Variants in LRRFIP2 observed in about 807,000 individuals in gnomAD.
LRRFIP2 encodes LRR binding FLII interacting protein 2.
LRRFIP2 carries 109 observed loss-of-function variants against 125.9 expected under a neutral mutation model. That is an observed-to-expected ratio of 0.87 (90% CI 0.74 to 1.01). LRRFIP2 has a LOEUF of 1.01. Ranked by LOEUF, LRRFIP2 falls within the 50% of genes least tolerant of loss-of-function variation. The pLI, the probability that LRRFIP2 is intolerant of heterozygous loss-of-function variation, is 0.00. For missense variants in LRRFIP2, 850 were observed against 862.3 expected (o/e 0.99, Z 0.18); for synonymous variants, 291 against 293.1 (o/e 0.99, Z 0.07).
chr3:37,063,826 G>A lies in LRRFIP2; in HGVS notation c.1700-35C>T, dbSNP rs369879761. ...ATGAAAAAGATCATAAACTAAATATGTGATGATATAGTACATAAACAATTA... is the reference window on the plus strand; with the variant it reads ...ATGAAAAAGATCATAAACTAAATATATGATGATATAGTACATAAACAATTA... On this transcript the variant is annotated intron_variant, in intron 23 of 27. Coordinates refer to ENST00000336686, the MANE Select transcript of LRRFIP2 (RefSeq NM_006309.4). 23 of 1,497,874 alleles carry A rather than the reference G, an allele frequency of 1.5e-5. No homozygotes were observed. In the African/African-American group the frequency reaches 2.3e-4, roughly 15 times the overall value. The allele number at this position is 1,497,874 out of a possible 1,614,324, so 92.8% of individuals were successfully genotyped here. A position where few individuals can be genotyped will look rare whatever the true frequency, so the allele number is the denominator to read the frequency against.
intron 1 of LRRFIP2, among the ~76,000 whole-genome samples, chr3:37,166,929 C>T (rs915666987): frequency 1.3e-5 from 2 of 151,674 alleles, no homozygotes; most frequent in African/African-American, 4.8e-5. Flanking sequence ...GAGGCAGAAT[C>T]GCTTCAACCT....
intron 22 of LRRFIP2, 27 bp downstream of exon 22, chr3:37,066,197 C>G: frequency 3.8e-6 from 6 of 1,586,714 alleles, no homozygotes; most frequent in South Asian, 1.1e-5. Context: ...AGTGAGGGAC[C>G]TGAATTCCAG....
chr3:37,124,085 C>T (rs760389910), intron 4 of LRRFIP2, among the ~76,000 whole-genome samples: 20 of 152,102 alleles, frequency 1.3e-4, no homozygotes, highest in Non-Finnish European at 2.6e-4. Context: ...ACAAACTATA[C>T]CTTAAATAAG....
chr3:37,058,384 A>G (rs867693117), intron 25 of LRRFIP2, among the ~76,000 whole-genome samples: 4 of 152,180 alleles, frequency 2.6e-5, no homozygotes, highest in Non-Finnish European at 4.4e-5. Flanking sequence ...TAAGAAAAGC[A>G]TATTAACGGC....
chr3:37,139,766 A>T (rs2095646347), intron 2 of LRRFIP2, among the ~76,000 whole-genome samples: 1 of 151,994 alleles, frequency 6.6e-6, no homozygotes, highest in Non-Finnish European at 1.5e-5. Flanking sequence ...CACTCTCTTC[A>T]TCATAACTAG....
intron 17 of LRRFIP2, among the ~76,000 whole-genome samples, chr3:37,094,004 A>G (rs1383397760): frequency 6.6e-6 from 1 of 152,114 alleles, no homozygotes; most frequent in East Asian, 1.9e-4. Context: ...TCCAATTTAA[A>G]TGATGCTTTC....
At chr3:37,059,555 G>A (rs958361121) in intron 24 of LRRFIP2, among the ~76,000 whole-genome samples, 1 of 152,130 alleles carries the variant, frequency 6.6e-6, no homozygotes. Context: ...TTGGGAAGCT[G>A]AGGCGGGCGG....
At chr3:37,126,868 A>AAAAAAGAAAG (rs59982718) in intron 4 of LRRFIP2, among the ~76,000 whole-genome samples, 4 of 147,220 alleles carry the variant, frequency 2.7e-5, no homozygotes, top group African/African-American at 1.0e-4. Context: ...TCAAAAAAAA[A>AAAAAAGAAAG]AAAGAAAGAA....
intron 18 of LRRFIP2, among the ~76,000 whole-genome samples, chr3:37,086,767 T>C (rs1205093877): frequency 6.6e-6 from 1 of 152,290 alleles, no homozygotes; most frequent in African/African-American, 2.4e-5. Flanking sequence ...TCTGTGAGTA[T>C]GCTAAAAACT....
chr3:37,135,562 G>A (rs2095538503), intron 2 of LRRFIP2, among the ~76,000 whole-genome samples: 1 of 151,632 alleles, frequency 6.6e-6, no homozygotes, highest in African/African-American at 2.4e-5. Context: ...TTTGTATTAT[G>A]TTCTTTTGGA....
intron 2 of LRRFIP2, among the ~76,000 whole-genome samples, chr3:37,138,838 T>C (rs1448044341): frequency 6.6e-6 from 1 of 152,228 alleles, no homozygotes; most frequent in African/African-American, 2.4e-5. Flanking sequence ...CAGCACACAA[T>C]TTTTTTCCTT....
At chr3:37,067,841 C>A (rs1332843148) in intron 21 of LRRFIP2, 1 of 152,120 alleles carries the variant, frequency 6.6e-6, no homozygotes, top group Admixed American at 6.6e-5. Context: ...GTGGCAAAAC[C>A]AGAAAATGAA....
At chr3:37,084,641 G>A (rs537471684) in intron 18 of LRRFIP2, among the ~76,000 whole-genome samples, 1 of 152,236 alleles carries the variant, frequency 6.6e-6, no homozygotes, top group African/African-American at 2.4e-5. Context: ...ACTCCAGCCT[G>A]GGTGACAGAG....
At chr3:37,169,111 T>C (rs1186887909) in intron 1 of LRRFIP2, among the ~76,000 whole-genome samples, 2 of 152,220 alleles carry the variant, frequency 1.3e-5, no homozygotes, top group East Asian at 3.8e-4. Context: ...TCTAGGTGTG[T>C]AGTAGGCTAT....
rs1376521260 is a variant in LRRFIP2, at chr3:37,060,287, C to CTGTTTT, written c.1750-1383_1750-1378dup. 1.4e-5 allele frequency among the ~76,000 whole-genome samples: 2 copies of CTGTTTT among 147,492 alleles called. No individual in the cohort carries two copies. The highest frequency in any genetic ancestry group is 3.1e-5 in the Non-Finnish European group (2 of 65,566). Reference sequence around the variant, plus strand: ...GCTGCTTCTGCAGCTCTCTCAAACACTGTTTTTGTTTTGTTTTGTTTTGTT... The same window carrying CTGTTTT: ...GCTGCTTCTGCAGCTCTCTCAAACACTGTTTTTGTTTTTGTTTTGTTTTGTTTTGTT... On this transcript the variant is annotated intron_variant, in intron 24 of 27. Coordinates refer to ENST00000336686, the MANE Select transcript of LRRFIP2 (RefSeq NM_006309.4). This position sits in a 1 kb window ranked among gnomAD's most constrained non-coding sequence, Gnocchi z 4.1.
At chr3:37,105,556 T>C (rs768397497) in intron 13 of LRRFIP2, 33 bp from the exon 14 acceptor site, 1 of 1,551,102 alleles carries the variant, frequency 6.4e-7, no homozygotes, top group Non-Finnish European at 8.9e-7. Flanking sequence ...ATGAAAAAGA[T>C]GCAATTTTGC....
intron 21 of LRRFIP2, chr3:37,068,321 A>T (rs2090529261): frequency 1.3e-5 from 2 of 152,242 alleles, no homozygotes; most frequent in South Asian, 4.1e-4. Flanking sequence ...CACTGAATAA[A>T]AAAGACCTCT....
At chr3:37,160,992 AT>A (rs922292143) in intron 1 of LRRFIP2, among the ~76,000 whole-genome samples, 10 of 152,134 alleles carry the variant, frequency 6.6e-5, no homozygotes, top group African/African-American at 2.4e-4. Context: ...CCATCAGCTG[AT>A]GAATGGATAA....
intron 13 of LRRFIP2, among the ~76,000 whole-genome samples, chr3:37,107,200 C>G (rs1202986251): frequency 6.6e-6 from 1 of 152,030 alleles, no homozygotes; most frequent in Non-Finnish European, 1.5e-5. Flanking sequence ...CATGCCCGGA[C>G]AGGAAATGAC....
Sources: allele counts gnomAD v4.1 joint callset (sites outside exome capture counted in the v4.1 genomes callset), GRCh38; gene constraint gnomAD v4.1.1; non-coding constraint Gnocchi (gnomAD v3.1); transcripts MANE v1.5; gene names NCBI Gene and HGNC (gene_info 2026-07-23, HGNC 2026-07-21).